RALA: variants seen among roughly 807,000 people sequenced by gnomAD.
RALA encodes the protein ras-related protein Ral-A.
Under a neutral mutation model 24.0 loss-of-function variants are expected in RALA, and 5 were observed. That is an observed-to-expected ratio of 0.21 (90% confidence interval 0.11 to 0.44). The LOEUF (loss-of-function observed/expected upper bound fraction) is 0.44. Ranked by LOEUF, RALA falls within the 20% of genes least tolerant of loss-of-function variation. The pLI is 0.99. For missense variants in RALA, 95 were observed against 241.2 expected, an observed-to-expected ratio of 0.39 and a Z score of 4.01; for synonymous variants, 77 against 83.8, an observed-to-expected ratio of 0.92 and a Z score of 0.44.
Position 39,706,150 on chromosome 7 carries a change from C to G in RALA, c.526C>G (p.Arg176Gly), listed in dbSNP as rs1204820978. 5 of 1,601,428 alleles carry G rather than the reference C, an allele frequency of 3.1e-6. No homozygotes were observed. Among genetic ancestry groups the G allele is most frequent in the Non-Finnish European group, 4.3e-6 (5 of 1,174,774 alleles). ...KVFFDLMREI[R>G]ARKMEDSKEK... Reference sequence around the variant, plus strand: ...ATTTTTTGATTTAATGAGAGAAATTCGAGCGAGAAAGATGGAAGACAGCAA... The same window carrying G: ...ATTTTTTGATTTAATGAGAGAAATTGGAGCGAGAAAGATGGAAGACAGCAA... Residue 176 changes from arginine to glycine, a missense_variant, in exon 5 of 5, where the codon CGA (arginine) becomes GGA (glycine). Coordinates refer to ENST00000005257, the MANE Select transcript of RALA (RefSeq NM_005402.4).
At chr7:39,701,599 T>C (rs553896678) in intron 4 of RALA, among the ~76,000 whole-genome samples, 1 of 152,360 alleles carries the variant, frequency 6.6e-6, no homozygotes, top group East Asian at 1.9e-4. Flanking sequence ...TCACAAATTT[T>C]CAGGAATAGC....
intron 4 of RALA, among the ~76,000 whole-genome samples, chr7:39,703,921 AT>A (rs1157796218): frequency 6.6e-6 from 1 of 152,162 alleles, no homozygotes; most frequent in East Asian, 1.9e-4. Context: ...ATTCCAGCAC[AT>A]TTAGAGGCTG....
chr7:39,684,124 C>T (rs1468515738), intron 1 of RALA, among the ~76,000 whole-genome samples: 1 of 152,144 alleles, frequency 6.6e-6, no homozygotes, highest in African/African-American at 2.4e-5. Context: ...TGTTTTTGAG[C>T]AGTGATAAGC....
At chr7:39,658,349 G>A (rs558156978) in intron 1 of RALA, among the ~76,000 whole-genome samples, 1 of 152,010 alleles carries the variant, frequency 6.6e-6, no homozygotes, top group Non-Finnish European at 1.5e-5. Flanking sequence ...TCAATACTTC[G>A]AACAACTAGT....
chr7:39,634,092 C>T (rs1026622298), intron 1 of RALA, among the ~76,000 whole-genome samples: 2 of 152,028 alleles, frequency 1.3e-5, no homozygotes, highest in South Asian at 4.2e-4. Flanking sequence ...ATTTATTGCC[C>T]CATATACTAA....
At chr7:39,679,446 AT>A (rs1340108107) in intron 1 of RALA, among the ~76,000 whole-genome samples, 1 of 152,196 alleles carries the variant, frequency 6.6e-6, no homozygotes, top group African/African-American at 2.4e-5. Flanking sequence ...ATAAAACGTT[AT>A]CCCAGTATAG....
intron 3 of RALA, among the ~76,000 whole-genome samples, chr7:39,692,670 C>T (rs1038545752): frequency 2.6e-5 from 4 of 152,118 alleles, no homozygotes; most frequent in Admixed American, 1.3e-4. Context: ...TTTCTACAGC[C>T]GTGTTTCTGC....
rs1034653198 is a variant in RALA at position 39,623,982 on chromosome 7, AGCCCG to A, written c.-38+160_-38+164del. Reference sequence around the variant, plus strand: ...CTGCCCGGGGACGAGCTGCGAGATGAGCCCGGCTGGAATCCGGGGCACCGCGTTCG... The same window carrying A: ...CTGCCCGGGGACGAGCTGCGAGATGAGCTGGAATCCGGGGCACCGCGTTCG... On this transcript the variant is annotated intron_variant, in intron 1 of 4. Transcript: ENST00000005257. This position sits in a 1 kb window ranked among gnomAD's most constrained non-coding sequence, Gnocchi z 4.9. The A allele has an allele frequency of 1.3e-5, 2 of 152,080 alleles. No homozygotes were observed. Among genetic ancestry groups the A allele is most frequent in the African/African-American group, 4.8e-5 (2 of 41,404 alleles). The allele number at this position is 152,080 out of a possible 1,614,324, so 9.4% of individuals were successfully genotyped here.
chr7:39,664,359 A>G (rs770221830), intron 1 of RALA, among the ~76,000 whole-genome samples: 15 of 152,218 alleles, frequency 9.9e-5, no homozygotes, highest in East Asian at 1.9e-4. Context: ...GCTTTCATCA[A>G]TGCTTTGTCC....
intron 1 of RALA, among the ~76,000 whole-genome samples, chr7:39,647,389 G>T (rs894537526): frequency 6.6e-6 from 1 of 152,148 alleles, no homozygotes; most frequent in African/African-American, 2.4e-5. Context: ...CGCTCATGAG[G>T]CTTACTCTGT....
intron 1 of RALA, among the ~76,000 whole-genome samples, chr7:39,657,826 G>A (rs1296050946): frequency 6.6e-6 from 1 of 152,184 alleles, no homozygotes; most frequent in African/African-American, 2.4e-5. Context: ...GAATGTAGGT[G>A]CATGTGTTTA....
chr7:39,648,088 C>T (rs1367527728), intron 1 of RALA, among the ~76,000 whole-genome samples: 3 of 152,150 alleles, frequency 2.0e-5, no homozygotes, highest in Non-Finnish European at 2.9e-5. Flanking sequence ...ATTAACACAC[C>T]TTTATAGAGG....
chr7:39,666,970 A>G lies in RALA; in HGVS notation c.-37-19661A>G, dbSNP rs533140294. Among the ~76,000 whole-genome samples, 4 of 152,330 alleles carry G rather than the reference A, an allele frequency of 2.6e-5. No individual in the cohort carries two copies. The East Asian group carries it at 7.7e-4, about 29-fold the overall frequency. On this transcript the variant is annotated intron_variant, in intron 1 of 4. Coordinates refer to ENST00000005257, the MANE Select transcript of RALA (RefSeq NM_005402.4). ...GAAGAAAAAAAACATTTTTGGGGAAAAAAATCACTTCAATCCTTCTCTGTA... is the reference window on the plus strand; with the variant it reads ...GAAGAAAAAAAACATTTTTGGGGAAGAAAATCACTTCAATCCTTCTCTGTA...
intron 1 of RALA, among the ~76,000 whole-genome samples, chr7:39,675,753 A>AC (rs1408889166): frequency 1.2e-3 from 86 of 73,986 alleles, no homozygotes; most frequent in Non-Finnish European, 1.4e-3. Context: ...AAAAAAAAAA[A>AC]AAAAAAAACT....
At chr7:39,666,744 A>G (rs1328770190) in intron 1 of RALA, among the ~76,000 whole-genome samples, 1 of 152,194 alleles carries the variant, frequency 6.6e-6, no homozygotes, top group African/African-American at 2.4e-5. Flanking sequence ...CCGCAGTTCC[A>G]CAAAGTAAGA....
At position 39,631,987 on chromosome 7, in the gene RALA, A is replaced by C. The variant is rs148440658; in HGVS notation, c.-38+8162A>C. ...AGAAGGCGAAGGGTGAGCAGGTGTG[A>C]CACATGGCAAAAGAAGAGTGAGAGA... On this transcript the variant is annotated intron_variant, in intron 1 of 4. Transcript: ENST00000005257. Among the ~76,000 whole-genome samples the C allele has an allele frequency of 3.8e-3, 572 of 152,276 alleles. 4 individuals are homozygous for C. The highest frequency in any genetic ancestry group is 0.013 in the African/African-American group (555 of 41,554).
intron 1 of RALA, among the ~76,000 whole-genome samples, chr7:39,640,348 C>G (rs1429469306): frequency 6.6e-6 from 1 of 152,236 alleles, no homozygotes; most frequent in Non-Finnish European, 1.5e-5. Context: ...GAAATGGTAT[C>G]TTACTGTGGT....
intron 1 of RALA, among the ~76,000 whole-genome samples, chr7:39,643,412 T>C (rs534687574): frequency 6.6e-6 from 1 of 152,264 alleles, no homozygotes; most frequent in African/African-American, 2.4e-5. Context: ...GGGACAACTA[T>C]GCAGGGGAAG....
chr7:39,665,414 A>G (rs991281187), intron 1 of RALA, among the ~76,000 whole-genome samples: 2 of 152,230 alleles, frequency 1.3e-5, no homozygotes, highest in African/African-American at 2.4e-5. Flanking sequence ...TGTTATTGGT[A>G]AGGCTTCCAG....
Sources: allele counts gnomAD v4.1 joint callset (sites outside exome capture counted in the v4.1 genomes callset), GRCh38; gene constraint gnomAD v4.1.1; non-coding constraint Gnocchi (gnomAD v3.1); transcripts MANE v1.5; gene names NCBI Gene and HGNC (gene_info 2026-07-23, HGNC 2026-07-21).